NTNG1: variants seen among roughly 807,000 people sequenced by gnomAD.
NTNG1 encodes netrin-G1.
NTNG1 carries 16 observed loss-of-function variants against 54.0 expected under a neutral mutation model. The observed-to-expected ratio is 0.30, with a 90% CI of 0.20 to 0.45. The LOEUF is 0.45. Among genes scored for constraint, NTNG1 ranks in the 20% least tolerant of loss-of-function variants. The pLI is 1.00. For missense variants in NTNG1, 530 were observed against 678.7 expected, an observed-to-expected ratio of 0.78 and a Z score of 2.43; for synonymous variants, 255 against 263.1, an observed-to-expected ratio of 0.97 and a Z score of 0.30.
At chr1:107,292,737 A>G (rs899098485) in intron 2 of NTNG1, among the ~76,000 whole-genome samples, 2 of 152,124 alleles carry the variant, frequency 1.3e-5, no homozygotes, top group Non-Finnish European at 2.9e-5. Flanking sequence ...CTCAAGTGCT[A>G]GCAGGCCACT....
chr1:107,441,091 G>A (rs560616819), intron 7 of NTNG1, among the ~76,000 whole-genome samples: 3 of 152,226 alleles, frequency 2.0e-5, no homozygotes, highest in African/African-American at 7.2e-5. Context: ...TCAACAGCTA[G>A]GTTCCAGAGA....
intron 3 of NTNG1, among the ~76,000 whole-genome samples, chr1:107,334,315 A>T (rs1204632920): frequency 6.6e-6 from 1 of 152,002 alleles, no homozygotes; most frequent in Non-Finnish European, 1.5e-5. Flanking sequence ...CTTGTCTAGG[A>T]ATTGTGTTTT....
chr1:107,244,079 T>C (rs1662022717), intron 2 of NTNG1, among the ~76,000 whole-genome samples: 1 of 152,318 alleles, frequency 6.6e-6, no homozygotes. Context: ...AACATGCTAG[T>C]ATAATAAATA....
At chr1:107,284,461 G>C (rs1408240727) in intron 2 of NTNG1, among the ~76,000 whole-genome samples, 2 of 151,964 alleles carry the variant, frequency 1.3e-5, no homozygotes, top group Admixed American at 6.6e-5. Context: ...GGACTAAAGA[G>C]GTAAGAAATG....
chr1:107,361,391 A>ATATATATATATATT (rs370815306), intron 3 of NTNG1, among the ~76,000 whole-genome samples: 4 of 87,974 alleles, frequency 4.5e-5, no homozygotes, highest in East Asian at 6.6e-4. Flanking sequence ...ATATATATAT[A>ATATATATATATATT]TTTTTTTTTT....
chr1:107,163,430 C>G (rs17018525), intron 2 of NTNG1, among the ~76,000 whole-genome samples: 3,625 of 152,040 alleles, frequency 0.024, 140 homozygotes, highest in African/African-American at 0.083. Flanking sequence ...TATCATTTCT[C>G]TTGCTAAAAT....
intron 2 of NTNG1, among the ~76,000 whole-genome samples, chr1:107,178,424 A>G (rs776965215): frequency 2.1e-4 from 31 of 150,666 alleles, no homozygotes; most frequent in Non-Finnish European, 2.8e-4. Context: ...TTATAGCCAC[A>G]TGTTTATGAG....
At chr1:107,205,798 C>T (rs1006223294) in intron 2 of NTNG1, among the ~76,000 whole-genome samples, 9 of 152,052 alleles carry the variant, frequency 5.9e-5, no homozygotes, top group Non-Finnish European at 1.0e-4. Context: ...CTTCAACTGC[C>T]CTTTCAACTT....
At chr1:107,282,704 T>C (rs879032527) in intron 2 of NTNG1, among the ~76,000 whole-genome samples, 1 of 152,198 alleles carries the variant, frequency 6.6e-6, no homozygotes, top group Non-Finnish European at 1.5e-5. Context: ...AACGATTATA[T>C]TATAGCACTG....
chr1:107,345,497 C>T (rs543722007), intron 3 of NTNG1, among the ~76,000 whole-genome samples: 7 of 152,192 alleles, frequency 4.6e-5, no homozygotes, highest in East Asian at 3.9e-4. Flanking sequence ...CAAGGGAGAG[C>T]GGATTACTTT....
intron 2 of NTNG1, among the ~76,000 whole-genome samples, chr1:107,187,926 G>A (rs779484469): frequency 6.6e-6 from 1 of 152,140 alleles, no homozygotes; most frequent in Non-Finnish European, 1.5e-5. Flanking sequence ...AAAATTCTCA[G>A]TTACAGCTTT....
intron 7 of NTNG1, among the ~76,000 whole-genome samples, chr1:107,474,462 C>A (rs1678183778): frequency 6.6e-6 from 1 of 152,206 alleles, no homozygotes; most frequent in Non-Finnish European, 1.5e-5. Flanking sequence ...CCAGTACTAT[C>A]AACTCATGGT....
At chr1:107,212,829 G>A (rs1659684408) in intron 2 of NTNG1, among the ~76,000 whole-genome samples, 1 of 152,002 alleles carries the variant, frequency 6.6e-6, no homozygotes, top group African/African-American at 2.4e-5. Flanking sequence ...CGCGTATTGA[G>A]CTCCAACTTT....
rs142387775 is a variant in NTNG1, at chr1:107,304,284, A to C, written c.247-19998A>C. Among the ~76,000 whole-genome samples, 5 of 152,052 alleles carry C rather than the reference A, an allele frequency of 3.3e-5. No homozygotes were observed. The East Asian group carries it at 9.7e-4, about 29-fold the overall frequency. ...TTTTCATTTTTTGGAGGTCAGATTAAATTTTTATTTCTCTTCTAGTACACA... is the reference window on the plus strand; with the variant it reads ...TTTTCATTTTTTGGAGGTCAGATTACATTTTTATTTCTCTTCTAGTACACA... On this transcript the variant is annotated intron_variant, in intron 2 of 7. Transcript: ENST00000370068.
At chr1:107,186,888 A>G (rs998852227) in intron 2 of NTNG1, among the ~76,000 whole-genome samples, 3 of 152,206 alleles carry the variant, frequency 2.0e-5, no homozygotes, top group African/African-American at 7.2e-5. Flanking sequence ...CGATCCTTGT[A>G]ACATCTTATG....
At chr1:107,374,662 T>A (rs1253831277) in intron 3 of NTNG1, among the ~76,000 whole-genome samples, 1 of 152,156 alleles carries the variant, frequency 6.6e-6, no homozygotes, top group Non-Finnish European at 1.5e-5. Context: ...TGTTTTAATG[T>A]CCTGTCTGCT....
rs547832256 is a variant in NTNG1 at position 107,449,747 on chromosome 1, G to A, written c.1390+12948G>A. 5.0e-4 allele frequency among the ~76,000 whole-genome samples: 75 copies of A among 151,280 alleles called. 1 individual carries two copies. The highest frequency in any genetic ancestry group is 3.5e-3 in the South Asian group (17 of 4,804). On this transcript the variant is annotated intron_variant, in intron 7 of 7. Coordinates refer to ENST00000370068, the MANE Select transcript of NTNG1 (RefSeq NM_001113226.3). Reference sequence around the variant, plus strand: ...AAAAAAAAAAAACCTTCAAAAAGTGGAAGCTTTTTCTATTAACTAAATCCA... The same window carrying A: ...AAAAAAAAAAAACCTTCAAAAAGTGAAAGCTTTTTCTATTAACTAAATCCA...
intron 7 of NTNG1, among the ~76,000 whole-genome samples, chr1:107,451,329 A>G (rs1327364053): frequency 6.6e-6 from 1 of 152,066 alleles, no homozygotes; most frequent in Non-Finnish European, 1.5e-5. Flanking sequence ...ACCACATGTC[A>G]CACTGCCCTT....
intron 7 of NTNG1, among the ~76,000 whole-genome samples, chr1:107,463,338 CA>C (rs1677395330): frequency 6.6e-6 from 1 of 152,026 alleles, no homozygotes; most frequent in Non-Finnish European, 1.5e-5. Context: ...TTGCTCTTGG[CA>C]ATATAGTTAA....
Sources: allele counts gnomAD v4.1 joint callset (sites outside exome capture counted in the v4.1 genomes callset), GRCh38; gene constraint gnomAD v4.1.1; transcripts MANE v1.5; gene names NCBI Gene and HGNC (gene_info 2026-07-23, HGNC 2026-07-21).